The following API5 variants were observed in gnomAD, a reference collection of about 807,000 sequenced individuals.
API5 encodes FIF.
In API5, 6 loss-of-function variants were observed where a neutral mutation model predicts 71.9. That is an observed-to-expected ratio of 0.08 (90% CI 0.05 to 0.16). The LOEUF (loss-of-function observed/expected upper bound fraction) is 0.16, where lower values mean the gene tolerates loss of function less well. API5 is among the 10% of genes least tolerant of loss of function. The pLI is 1.00. For synonymous variants in API5, 189 were observed against 221.3 expected (o/e 0.85, Z 1.30); for missense variants, 332 against 612.8 (o/e 0.54, Z 4.84).
intron 3 of API5, 51 bp downstream of exon 3, chr11:43,320,965 A>G: frequency 6.8e-7 from 1 of 1,462,290 alleles, no homozygotes; most frequent in Non-Finnish European, 9.5e-7. Flanking sequence ...CTTCTTTCTG[A>G]AATGTTGACT....
At chr11:43,330,476 C>T in intron 10 of API5, 32 bp from the exon 11 acceptor site, 1 of 1,477,536 alleles carries the variant, frequency 6.8e-7, no homozygotes, top group Non-Finnish European at 9.5e-7. Flanking sequence ...AAGTTATTGG[C>T]AATTTGTCTT....
rs1419266289 is a variant in API5, at chr11:43,343,254, T to C, written c.*744T>C. 1.3e-5 allele frequency: 2 copies of C among 152,396 alleles called. No individual in the cohort carries two copies. Among genetic ancestry groups the C allele is most frequent in the Non-Finnish European group, 2.9e-5 (2 of 67,998 alleles). 9.4% of individuals were successfully genotyped at this position (152,396 alleles called of 1,614,324 possible). ...TGCTGTGAAACTTGACTACACAACATAAATCACTTTTTAAATTCCAGGAAC... is the reference window on the plus strand; with the variant it reads ...TGCTGTGAAACTTGACTACACAACACAAATCACTTTTTAAATTCCAGGAAC... On this transcript the variant is annotated 3_prime_UTR_variant, in exon 14 of 14. Coordinates refer to ENST00000531273, the MANE Select transcript of API5 (RefSeq NM_001142930.2).
At chr11:43,342,002 A>G (rs1048182673) in intron 13 of API5, among the ~76,000 whole-genome samples, 1 of 151,908 alleles carries the variant, frequency 6.6e-6, no homozygotes, top group South Asian at 2.1e-4. Context: ...AAAAATAGCC[A>G]AACATGGTGG....
chr11:43,336,406 C>T (rs929421978), intron 13 of API5, among the ~76,000 whole-genome samples: 17 of 152,180 alleles, frequency 1.1e-4, no homozygotes, highest in African/African-American at 4.1e-4. Flanking sequence ...CAGCCTGCTG[C>T]CTATACTCCC....
chr11:43,318,941 T>A, intron 2 of API5, 140 bp downstream of exon 2: 1 of 723,852 alleles, frequency 1.4e-6, no homozygotes, highest in Non-Finnish European at 2.1e-6. Flanking sequence ...CACCCAGGCT[T>A]AAATTTACAT....
intron 8 of API5, among the ~76,000 whole-genome samples, chr11:43,328,156 A>G (rs1241359597): frequency 6.6e-6 from 1 of 152,188 alleles, no homozygotes; most frequent in Non-Finnish European, 1.5e-5. Flanking sequence ...ACACAGTGAT[A>G]AGCATTAGGT....
At chr11:43,323,373 TG>T (rs1463695773) in intron 5 of API5, 56 bp from the exon 6 acceptor site, 1 of 1,402,520 alleles carries the variant, frequency 7.1e-7, no homozygotes, top group Non-Finnish European at 1.0e-6. Context: ...CTTTCAGTGT[TG>T]ATCTGTCCCA....
chr11:43,342,301 A>G (rs548805847), intron 13 of API5, 127 bp from the exon 14 acceptor site: 2 of 740,740 alleles, frequency 2.7e-6, no homozygotes, highest in East Asian at 5.1e-5. Context: ...TAGATTGAAT[A>G]GCAGAATATT....
rs1334159568 is a variant in API5, at chr11:43,343,720, T to C, written c.*1210T>C. On this transcript the variant is annotated 3_prime_UTR_variant, in exon 14 of 14. Transcript: ENST00000531273. ...CAACAGATGGGGGGTTTGTGGAGTG[T>C]TTAATGTCATGGGCATTTTTAGTAG... 1 of 152,640 alleles carries C rather than the reference T, an allele frequency of 6.6e-6. No individual in the cohort carries two copies. The highest frequency in any genetic ancestry group is 1.5e-5 in the Non-Finnish European group (1 of 68,030). The allele number at this position is 152,640 out of a possible 1,614,324, so 9.5% of individuals were successfully genotyped here.
At position 43,318,623 on chromosome 11, in the gene API5, T is replaced by C; in HGVS notation, c.70-17T>C. On this transcript the variant is annotated splice_polypyrimidine_tract_variant and intron_variant, in intron 1 of 13. Coordinates refer to ENST00000531273, the MANE Select transcript of API5 (RefSeq NM_001142930.2). Reference sequence around the variant, plus strand: ...CTTCAAAATCATGTGTCTTTCCTGCTTTATTTTTTATTTCAGCATAAAGAT... The same window carrying C: ...CTTCAAAATCATGTGTCTTTCCTGCCTTATTTTTTATTTCAGCATAAAGAT... 6.2e-7 allele frequency: 1 copy of C among 1,610,536 alleles called. No homozygotes were observed. The highest frequency in any genetic ancestry group is 8.5e-7 in the Non-Finnish European group (1 of 1,178,562).
chr11:43,324,141 C>T (rs11608026), intron 6 of API5, among the ~76,000 whole-genome samples: 1 of 152,170 alleles, frequency 6.6e-6, no homozygotes, highest in African/African-American at 2.4e-5. Flanking sequence ...TCTCAGCCTC[C>T]CAAGTAGCTG....
At chr11:43,331,785 G>A (rs1855266043) in intron 11 of API5, among the ~76,000 whole-genome samples, 1 of 152,168 alleles carries the variant, frequency 6.6e-6, no homozygotes, top group Admixed American at 6.5e-5. Flanking sequence ...TAGATGTTGA[G>A]GAAGGAGTAT....
intron 9 of API5, 109 bp downstream of exon 9, chr11:43,329,002 G>A (rs529531613): frequency 8.9e-7 from 1 of 1,118,250 alleles, no homozygotes; most frequent in African/African-American, 1.6e-5. Context: ...CCTTACCCCA[G>A]TGATACAGAT....
chr11:43,321,633 T>C (rs1447450037), intron 4 of API5, among the ~76,000 whole-genome samples, 157 bp downstream of exon 4: 1 of 152,206 alleles, frequency 6.6e-6, no homozygotes, highest in East Asian at 1.9e-4. Context: ...AAGATGTTTA[T>C]GACTAGAAAA....
intron 3 of API5, 84 bp from the exon 4 acceptor site, chr11:43,321,327 A>G (rs750546492): frequency 5.7e-5 from 66 of 1,164,620 alleles, no homozygotes; most frequent in Non-Finnish European, 8.1e-5. Context: ...ACCTTGAGAA[A>G]CTAAGTTGAA....
chr11:43,331,255 ACCACTGG>A (rs1855245940), intron 11 of API5: 1 of 152,784 alleles, frequency 6.5e-6, no homozygotes, highest in African/African-American at 2.4e-5. Context: ...CCCCAAAACA[ACCACTGG>A]CTGGTACAAT....
intron 13 of API5, chr11:43,339,324 G>A (rs1185274132): frequency 6.6e-6 from 1 of 152,142 alleles, no homozygotes; most frequent in Non-Finnish European, 1.5e-5. Context: ...GACTGAAAAG[G>A]TATTTTTCAA....
chr11:43,318,356 A>ATT, intron 1 of API5: 3 of 1,368,610 alleles, frequency 2.2e-6, no homozygotes, highest in Non-Finnish European at 3.0e-6. Flanking sequence ...CAGAGTTAAT[A>ATT]ATCACTAGAA....
chr11:43,333,777 C>T (rs1400552447), intron 11 of API5, among the ~76,000 whole-genome samples: 3 of 149,856 alleles, frequency 2.0e-5, no homozygotes, highest in Non-Finnish European at 4.4e-5. Context: ...CTGGTTCATG[C>T]AATCTCAACA....
Sources: gnomAD v4.1 joint callset for allele counts (sites outside exome capture counted in the v4.1 genomes callset) on GRCh38, gnomAD v4.1.1 for gene constraint, MANE v1.5 for transcripts, NCBI Gene and HGNC (gene_info 2026-07-23, HGNC 2026-07-21) for gene names.